The following LETM1 variants were observed in gnomAD, a reference collection of about 807,000 sequenced individuals.
LETM1 encodes leucine zipper and EF-hand containing transmembrane protein 1.
A neutral mutation model predicts 74.5 loss-of-function variants in LETM1; 50 were observed. The observed-to-expected ratio is 0.67, with a 90% CI of 0.53 to 0.85. The LOEUF is 0.85. Ranked by LOEUF, LETM1 falls within the 40% of genes least tolerant of loss-of-function variation. The pLI, the probability that LETM1 is intolerant of heterozygous loss-of-function variation, is 0.00. For synonymous variants in LETM1, 446 were observed against 407.1 expected (o/e 1.10, Z -1.15); for missense variants, 824 against 967.8 (o/e 0.85, Z 1.97).
At position 1,841,816 on chromosome 4, in the gene LETM1, G is replaced by A; in HGVS notation, c.144-19C>T. 5 of 1,576,594 alleles carry A rather than the reference G, an allele frequency of 3.2e-6. No homozygotes were observed. Among genetic ancestry groups the A allele is most frequent in the African/African-American group, 1.3e-5 (1 of 74,216 alleles). ...AACATTCCTTGAAAAGGGAAGAGTG[G>A]AAAACAGTAGTAAGAGCCAGCACTA... On this transcript the variant is annotated intron_variant, in intron 2 of 13. Coordinates refer to ENST00000302787, the MANE Select transcript of LETM1 (RefSeq NM_012318.3).
At chr4:1,820,374 T>C (rs1202425806) in intron 10 of LETM1, among the ~76,000 whole-genome samples, 1 of 152,246 alleles carries the variant, frequency 6.6e-6, no homozygotes, top group Non-Finnish European at 1.5e-5. Context: ...GACTACTCAT[T>C]ACCATAGTGA....
chr4:1,842,550 A>T (rs1712739941), intron 2 of LETM1, among the ~76,000 whole-genome samples: 1 of 152,156 alleles, frequency 6.6e-6, no homozygotes, highest in Admixed American at 6.5e-5. Flanking sequence ...TGCCCTGCTG[A>T]CATCTGGCCG....
At chr4:1,847,500 C>A (rs1011166707) in intron 2 of LETM1, among the ~76,000 whole-genome samples, 3 of 151,846 alleles carry the variant, frequency 2.0e-5, no homozygotes, top group African/African-American at 7.3e-5. Flanking sequence ...CAGGGAGGAA[C>A]AACTGCTGGA....
Position 1,823,642 on chromosome 4 carries a change from A to G in LETM1, c.1332+2T>C, listed in dbSNP as rs752515703. On this transcript the variant is annotated splice_donor_variant, in intron 8 of 13. Coordinates refer to ENST00000302787, the MANE Select transcript of LETM1 (RefSeq NM_012318.3). LOFTEE classifies it high-confidence loss of function. The stretch of plus-strand genomic sequence containing the variant: ...GTAAAAGGGGTCTCCGACAGCACGT[A>G]CCACAATCTCTGGGAGGGTCTGCAG... 1 of 1,613,554 alleles carries G rather than the reference A, an allele frequency of 6.2e-7. No homozygotes were observed. Among genetic ancestry groups the G allele is most frequent in the African/African-American group, 1.3e-5 (1 of 74,906 alleles).
intron 1 of LETM1, among the ~76,000 whole-genome samples, chr4:1,849,550 G>A (rs532604739): frequency 3.3e-5 from 5 of 152,276 alleles, no homozygotes; most frequent in African/African-American, 1.2e-4. Context: ...TTACAGGCAT[G>A]AGCCACCGTG....
Position 1,814,468 on chromosome 4 carries a change from C to T in LETM1, c.2176G>A (p.Ala726Thr). 1 of 1,614,126 alleles carries T rather than the reference C, an allele frequency of 6.2e-7. No homozygotes were observed. Among genetic ancestry groups the T allele is most frequent in the Non-Finnish European group, 8.5e-7 (1 of 1,179,940 alleles). ...KEEKVEEKEK[A>T]KEKAEKEVAE... ...ACCTCCTTCTCTGCCTTCTCTTTGG[C>T]CTTCTCCTTCTCCTCCACCTTCTCC... The change falls in exon 14 of 14, where the codon GCC becomes ACC. Residue 726 changes from alanine to threonine, a missense_variant. Transcript: ENST00000302787.
In LETM1 at chr4:1,816,905, C is replaced by T. The variant is rs1711587283; in HGVS notation, c.1753G>A (p.Glu585Lys). The T allele has an allele frequency of 6.2e-7, 1 of 1,609,830 alleles. No homozygotes were observed. The highest frequency in any genetic ancestry group is 8.5e-7 in the Non-Finnish European group (1 of 1,177,382). Residue 585 changes from glutamate (E) to lysine (K), a missense_variant, in exon 12 of 14, where the codon GAG becomes AAG. By Grantham distance (56) the Glu-to-Lys change is moderately conservative. Around this residue, in one of 4 missense-constraint regions of LETM1, gnomAD observed 161 missense variants for 252.7 expected, o/e 0.64. Coordinates refer to ENST00000302787, the MANE Select transcript of LETM1 (RefSeq NM_012318.3). The stretch of plus-strand genomic sequence containing the variant: ...GTCTTTGAAAGTTCCTTCTTGATCT[C>T]CTGCAAGTCCTAATAAAATTATTTT... ...DVQDYSEDLQ[E>K]IKKELSKTGE...
At position 1,856,153 on chromosome 4, in the gene LETM1, G is replaced by C. The variant is rs1713237319; in HGVS notation, c.-203C>G. Reference sequence around the variant, plus strand: ...CCCGGCACAGACGTCCGGAGGCGCGGGGCGGGGCGGCCAGGCCGCGGCTCC... The same window carrying C: ...CCCGGCACAGACGTCCGGAGGCGCGCGGCGGGGCGGCCAGGCCGCGGCTCC... On this transcript the variant is annotated 5_prime_UTR_variant, in exon 1 of 14. Transcript: ENST00000302787. The C allele has an allele frequency of 9.3e-6, 3 of 322,416 alleles. No individual in the cohort carries two copies. Among genetic ancestry groups the C allele is most frequent in the Non-Finnish European group, 1.7e-5 (3 of 178,444 alleles). 20.0% of individuals were successfully genotyped at this position (322,416 alleles called of 1,614,324 possible).
chr4:1,847,824 C>CAAA (rs778839346), intron 2 of LETM1, among the ~76,000 whole-genome samples: 1 of 41,928 alleles, frequency 2.4e-5, no homozygotes, highest in Non-Finnish European at 4.7e-5. Context: ...AACTCGGTCT[C>CAAA]AAAAAAAAAA....
intron 1 of LETM1, among the ~76,000 whole-genome samples, chr4:1,853,052 C>G (rs1335191066): frequency 6.6e-6 from 1 of 152,192 alleles, no homozygotes; most frequent in Non-Finnish European, 1.5e-5. Context: ...ATACACACGC[C>G]CCACAGGTCT....
At chr4:1,845,594 C>T (rs1394243939) in intron 2 of LETM1, among the ~76,000 whole-genome samples, 1 of 146,220 alleles carries the variant, frequency 6.8e-6, no homozygotes, top group Non-Finnish European at 1.5e-5. Flanking sequence ...GTCATCCAGG[C>T]TGGAGTGCAG....
intron 7 of LETM1, among the ~76,000 whole-genome samples, chr4:1,824,034 C>G (rs893524907): frequency 6.6e-6 from 1 of 152,180 alleles, no homozygotes; most frequent in Non-Finnish European, 1.5e-5. Context: ...CTTAAAAACA[C>G]CCCAGGGGCC....
At chr4:1,844,073 G>C (rs1712796359) in intron 2 of LETM1, among the ~76,000 whole-genome samples, 1 of 152,350 alleles carries the variant, frequency 6.6e-6, no homozygotes, top group East Asian at 1.9e-4. Flanking sequence ...GATGCCAGCA[G>C]TCACGGGGTG....
intron 13 of LETM1, 40 bp from the exon 14 acceptor site, chr4:1,814,613 C>CT: frequency 6.3e-7 from 1 of 1,587,054 alleles, no homozygotes; most frequent in Non-Finnish European, 8.6e-7. Flanking sequence ...GTGGCTGCGC[C>CT]CTACAGCACA....
intron 6 of LETM1, among the ~76,000 whole-genome samples, chr4:1,828,106 C>T (rs1712074628): frequency 7.6e-6 from 1 of 131,746 alleles, no homozygotes; most frequent in Non-Finnish European, 1.7e-5. Context: ...GCTGACACCC[C>T]CACCTCCCTC....
At chr4:1,841,844 C>T in intron 2 of LETM1, 47 bp from the exon 3 acceptor site, 1 of 1,409,224 alleles carries the variant, frequency 7.1e-7, no homozygotes, top group South Asian at 1.2e-5. Flanking sequence ...CAGCACTAGC[C>T]TTTGACAGCT....
intron 3 of LETM1, among the ~76,000 whole-genome samples, chr4:1,838,363 T>G (rs1392665657): frequency 6.6e-6 from 1 of 151,922 alleles, no homozygotes; most frequent in African/African-American, 2.4e-5. Flanking sequence ...CTCCCAAAGT[T>G]CTGGGATTAC....
intron 11 of LETM1, among the ~76,000 whole-genome samples, chr4:1,818,892 G>A (rs1711674829): frequency 6.6e-6 from 1 of 151,938 alleles, no homozygotes; most frequent in Non-Finnish European, 1.5e-5. Context: ...GATGAGCCTG[G>A]TCAACATGGT....
In LETM1 at chr4:1,841,317, A is replaced by G. The variant is rs1430879340; in HGVS notation, c.594+30T>C. On this transcript the variant is annotated intron_variant, in intron 3 of 13. Coordinates refer to ENST00000302787, the MANE Select transcript of LETM1 (RefSeq NM_012318.3). ...CAGCCTGGGTGATAGAGCAAGAAAG[A>G]AAAGAAAGGACTAGACATGTCCCCA... The G allele has an allele frequency of 1.0e-5, 16 of 1,586,988 alleles. No individual in the cohort carries two copies. In the South Asian group the frequency reaches 1.0e-4, roughly 10 times the overall value.
Sources: allele counts gnomAD v4.1 joint callset (sites outside exome capture counted in the v4.1 genomes callset), GRCh38; gene constraint gnomAD v4.1.1; regional missense constraint gnomAD v4.1.1; transcripts MANE v1.5; gene names NCBI Gene and HGNC (gene_info 2026-07-23, HGNC 2026-07-21).